Variants in KIF6 observed in about 807,000 individuals in gnomAD.
KIF6 encodes kinesin family member 6.
In KIF6, 106 loss-of-function variants were observed where a neutral mutation model predicts 112.7. That is an observed-to-expected ratio of 0.94 (90% CI 0.80 to 1.11). The LOEUF (loss-of-function observed/expected upper bound fraction) is 1.11. KIF6 is among the 50% of genes least tolerant of loss of function. The pLI is 0.00. For synonymous variants in KIF6, 339 were observed against 339.9 expected, an observed-to-expected ratio of 1.00 and a Z score of 0.03; for missense variants, 929 against 964.0, an observed-to-expected ratio of 0.96 and a Z score of 0.48.
At chr6:39,701,859 C>T (rs1242152623) in intron 3 of KIF6, among the ~76,000 whole-genome samples, 2 of 152,232 alleles carry the variant, frequency 1.3e-5, no homozygotes, top group Non-Finnish European at 2.9e-5. Flanking sequence ...ACTTCATTTA[C>T]ACAACTATTA....
At position 39,475,749 on chromosome 6, in the gene KIF6, C is replaced by T. The variant is rs147798919; in HGVS notation, c.1646-44588G>A. ...CTCTCATTCTCTAAGCAGCGAGAGG[C>T]GCCTTCATGAGCAGCTGGAGAGTTT... On this transcript the variant is annotated intron_variant, in intron 13 of 22. Transcript: ENST00000287152. 1.5e-3 allele frequency among the ~76,000 whole-genome samples: 224 copies of T among 152,286 alleles called. 2 individuals are homozygous for T. The highest frequency in any genetic ancestry group is 9.5e-3 in the Admixed American group (146 of 15,298).
intron 13 of KIF6, among the ~76,000 whole-genome samples, chr6:39,470,656 CAT>C (rs146237594): frequency 0.012 from 1,772 of 152,270 alleles, 30 homozygotes; most frequent in African/African-American, 0.038. Flanking sequence ...AGAGGAGTAA[CAT>C]GTCATGTTTC....
intron 13 of KIF6, among the ~76,000 whole-genome samples, chr6:39,471,094 A>C (rs1445292937): frequency 1.3e-5 from 2 of 152,176 alleles, no homozygotes; most frequent in Non-Finnish European, 2.9e-5. Context: ...AAGTGTTTTA[A>C]ATGCCAAAAG....
At chr6:39,706,287 T>C (rs758177282) in intron 3 of KIF6, among the ~76,000 whole-genome samples, 1 of 152,192 alleles carries the variant, frequency 6.6e-6, no homozygotes, top group African/African-American at 2.4e-5. Context: ...AAACCGAGAT[T>C]TAGGCTCACT....
chr6:39,437,715 C>G lies in KIF6; in HGVS notation c.1646-6554G>C, dbSNP rs140540661. 6.2e-3 allele frequency among the ~76,000 whole-genome samples: 947 copies of G among 152,274 alleles called. 11 individuals carry two copies. Among genetic ancestry groups the G allele is most frequent in the Middle Eastern group, 0.014 (4 of 294 alleles). On this transcript the variant is annotated intron_variant, in intron 13 of 22. Transcript: ENST00000287152. ...CCAAGAAGCTTTTATAAAAATGCAA[C>G]TACAGTCCTGCCCCACATAAAGACG...
At chr6:39,545,791 C>A in intron 10 of KIF6, 103 bp from the exon 11 acceptor site, 1 of 673,898 alleles carries the variant, frequency 1.5e-6, no homozygotes, top group Non-Finnish European at 2.6e-6. Flanking sequence ...AATATTGTTC[C>A]CACCTCTTTA....
chr6:39,627,675 A>G (rs112392112), intron 5 of KIF6, among the ~76,000 whole-genome samples: 236 of 152,298 alleles, frequency 1.5e-3, no homozygotes, highest in African/African-American at 5.5e-3. Context: ...TTCAAAAAAT[A>G]CAACACAGCC....
At chr6:39,709,102 A>C (rs1561949095) in intron 3 of KIF6, among the ~76,000 whole-genome samples, 1 of 152,224 alleles carries the variant, frequency 6.6e-6, no homozygotes, top group Non-Finnish European at 1.5e-5. Context: ...CATCATGATG[A>C]AGCACTTCCT....
At chr6:39,663,636 A>G (rs1173745111) in intron 3 of KIF6, among the ~76,000 whole-genome samples, 1 of 152,190 alleles carries the variant, frequency 6.6e-6, no homozygotes, top group African/African-American at 2.4e-5. Context: ...AACTGGAGAG[A>G]ACGGAGCCAA....
rs761338216 is a variant in KIF6 at position 39,544,619 on chromosome 6, T to C, written c.1362A>G (p.Glu454=). ...TTCTATATTCTTCTTCTTTTAATGG[T>C]TCTTGACAATCTTGGTCTTTGCTTT... The part of the protein sequence containing the change: ...SSESKDQDCQ[E]PLKEEEYRKL... Residue 454 remains glutamate, a synonymous_variant, in exon 12 of 23, where the codon GAA becomes GAG. Coordinates refer to ENST00000287152, the MANE Select transcript of KIF6 (RefSeq NM_145027.6). 2.0e-5 allele frequency: 32 copies of C among 1,612,380 alleles called. No individual in the cohort carries two copies. The Admixed American group carries it at 4.8e-4, about 24-fold the overall frequency.
chr6:39,404,779 T>C (rs986698756), intron 15 of KIF6, among the ~76,000 whole-genome samples: 12 of 152,148 alleles, frequency 7.9e-5, no homozygotes, highest in African/African-American at 2.7e-4. Flanking sequence ...ATCGTTCCTA[T>C]ATTGAGTCTT....
intron 14 of KIF6, among the ~76,000 whole-genome samples, chr6:39,429,709 C>G (rs112679525): frequency 9.3e-4 from 141 of 152,252 alleles, no homozygotes; most frequent in African/African-American, 2.9e-3. Flanking sequence ...GCAGATGAGA[C>G]CATCGTGGCT....
At position 39,549,440 on chromosome 6, in the gene KIF6, AG is replaced by A. The variant is rs1360838895; in HGVS notation, c.1182-3753del. ...AGTGCTATTATTATCCCCATGTCAT[AG>A]GTGAGGAAACTGAAGCACAGAGATA... On this transcript the variant is annotated intron_variant, in intron 10 of 22. Coordinates refer to ENST00000287152, the MANE Select transcript of KIF6 (RefSeq NM_145027.6). Among the ~76,000 whole-genome samples the A allele has an allele frequency of 3.3e-5, 5 of 152,232 alleles. No homozygotes were observed. In the East Asian group the frequency reaches 9.6e-4, roughly 29 times the overall value.
chr6:39,614,660 G>A (rs567878291), intron 5 of KIF6, among the ~76,000 whole-genome samples: 1 of 152,050 alleles, frequency 6.6e-6, no homozygotes, highest in Non-Finnish European at 1.5e-5. Context: ...AACAATACCA[G>A]CAAAAATGGA....
chr6:39,691,067 C>T (rs1364112966), intron 3 of KIF6: 1 of 152,176 alleles, frequency 6.6e-6, no homozygotes, highest in African/African-American at 2.4e-5. Flanking sequence ...AACGTGTTCA[C>T]CATTTATCTG....
chr6:39,600,957 G>A lies in KIF6; in HGVS notation c.640-4697C>T, dbSNP rs142186970. ...ATTAAGACCTGCTTCATTGCAGGGA[G>A]TTATATTAAATACCAACTGAATTAC... is the stretch of plus-strand genomic sequence containing the variant. On this transcript the variant is annotated intron_variant, in intron 6 of 22. Coordinates refer to ENST00000287152, the MANE Select transcript of KIF6 (RefSeq NM_145027.6). 6.9e-4 allele frequency among the ~76,000 whole-genome samples: 105 copies of A among 152,254 alleles called. No homozygotes were observed. In the Middle Eastern group the frequency reaches 0.01, roughly 15 times the overall value.
At chr6:39,444,251 T>C (rs1476251456) in intron 13 of KIF6, among the ~76,000 whole-genome samples, 1 of 152,174 alleles carries the variant, frequency 6.6e-6, no homozygotes, top group African/African-American at 2.4e-5. Flanking sequence ...TTTTTTTTCT[T>C]TTTTTGGAAA....
chr6:39,613,877 G>T (rs1189951540), intron 5 of KIF6, among the ~76,000 whole-genome samples: 2 of 152,120 alleles, frequency 1.3e-5, no homozygotes, highest in African/African-American at 4.8e-5. Context: ...TTATAATAAA[G>T]ATTTAGCTTG....
At chr6:39,546,817 C>T (rs1165256373) in intron 10 of KIF6, among the ~76,000 whole-genome samples, 1 of 139,446 alleles carries the variant, frequency 7.2e-6, no homozygotes, top group South Asian at 2.4e-4. Flanking sequence ...AAGAACAAGA[C>T]CCTGTCTCAA....
Sources: allele counts gnomAD v4.1 joint callset (sites outside exome capture counted in the v4.1 genomes callset), GRCh38; gene constraint gnomAD v4.1.1; transcripts MANE v1.5; gene names NCBI Gene and HGNC (gene_info 2026-07-23, HGNC 2026-07-21).